Variants in PAPPA observed in about 807,000 individuals in gnomAD.
PAPPA encodes pappalysin-1.
Under a neutral mutation model 164.0 loss-of-function variants are expected in PAPPA, and 60 were observed. That is an observed-to-expected ratio of 0.37 (90% confidence interval 0.30 to 0.45). The LOEUF (loss-of-function observed/expected upper bound fraction) is 0.45. Ranked by LOEUF, PAPPA falls within the 20% of genes least tolerant of loss-of-function variation. The pLI, the probability that PAPPA is intolerant of heterozygous loss-of-function variation, is 1.00. For synonymous variants in PAPPA, 875 were observed against 814.1 expected (o/e 1.07, Z -1.27); for missense variants, 1,782 against 2,087.3 (o/e 0.85, Z 2.85).
At chr9:116,394,689 G>A (rs73518566) in intron 21 of PAPPA, among the ~76,000 whole-genome samples, 2,097 of 152,308 alleles carry the variant, frequency 0.014, 49 homozygotes, top group African/African-American at 0.048. Flanking sequence ...AAGTCACAGA[G>A]GATGGAAAGT....
At position 116,353,806 on chromosome 9, in the gene PAPPA, G is replaced by A; in HGVS notation, c.4347+13G>A. 1 of 1,604,340 alleles carries A rather than the reference G, an allele frequency of 6.2e-7. No individual in the cohort carries two copies. The highest frequency in any genetic ancestry group is 8.5e-7 in the Non-Finnish European group (1 of 1,173,192). On this transcript the variant is annotated intron_variant, in intron 17 of 21. Transcript: ENST00000328252. Reference sequence around the variant, plus strand: ...TGATGCCTCCCAGGTAAGCCTCCTGGAACTTGAGATTGATACCATGGTCCC... The same window carrying A: ...TGATGCCTCCCAGGTAAGCCTCCTGAAACTTGAGATTGATACCATGGTCCC...
chr9:116,275,276 T>C (rs1226961464), intron 9 of PAPPA, among the ~76,000 whole-genome samples: 1 of 152,234 alleles, frequency 6.6e-6, no homozygotes, highest in East Asian at 1.9e-4. Flanking sequence ...ATGTGCTTGA[T>C]GCACAGATGC....
At chr9:116,362,440 G>C in intron 17 of PAPPA, 152 bp from the exon 18 acceptor site, 2 of 694,070 alleles carry the variant, frequency 2.9e-6, no homozygotes, top group Non-Finnish European at 4.6e-6. Context: ...CCTCTTTCAG[G>C]GTGGTTGAGT....
In PAPPA at chr9:116,317,236, G is replaced by C. The variant is rs1044465927; in HGVS notation, c.3148-14008G>C. On this transcript the variant is annotated intron_variant, in intron 10 of 21. Transcript: ENST00000328252. ...GACCTTTCTTGAATAGGCCGATGCG[G>C]TCAAGACTGCCATTAACCACTGTTC... Among the ~76,000 whole-genome samples, 10 of 152,322 alleles carry C rather than the reference G, an allele frequency of 6.6e-5. No individual in the cohort carries two copies. In the East Asian group the frequency reaches 1.9e-3, roughly 29 times the overall value.
intron 2 of PAPPA, among the ~76,000 whole-genome samples, chr9:116,206,579 C>T (rs1205109354): frequency 4.6e-5 from 7 of 152,138 alleles, no homozygotes; most frequent in Non-Finnish European, 7.4e-5. Context: ...AGGTATCAAG[C>T]TTTGTGCGGA....
At chr9:116,198,674 G>A (rs1844135151) in intron 2 of PAPPA, among the ~76,000 whole-genome samples, 1 of 152,222 alleles carries the variant, frequency 6.6e-6, no homozygotes, top group Admixed American at 6.5e-5. Context: ...GATGATTCGT[G>A]TTAACCTAGT....
At chr9:116,317,288 G>T (rs1274771030) in intron 10 of PAPPA, among the ~76,000 whole-genome samples, 1 of 152,164 alleles carries the variant, frequency 6.6e-6, no homozygotes, top group Non-Finnish European at 1.5e-5. Flanking sequence ...GGGTTTCGGT[G>T]ACCAGGCACC....
chr9:116,326,329 C>T (rs1391671472), intron 10 of PAPPA, among the ~76,000 whole-genome samples: 1 of 151,838 alleles, frequency 6.6e-6, no homozygotes, highest in Non-Finnish European at 1.5e-5. Flanking sequence ...ATTGTTGTCC[C>T]AGGACAACAA....
intron 9 of PAPPA, among the ~76,000 whole-genome samples, chr9:116,282,662 C>T (rs761871523): frequency 6.6e-6 from 1 of 152,190 alleles, no homozygotes; most frequent in Non-Finnish European, 1.5e-5. Flanking sequence ...GTCTCTGGCT[C>T]TTAAGCCCTC....
At position 116,188,746 on chromosome 9, in the gene PAPPA, C is replaced by T. The variant is rs142650342; in HGVS notation, c.1478+530C>T. 2.2e-3 allele frequency among the ~76,000 whole-genome samples: 331 copies of T among 152,232 alleles called. 2 individuals are homozygous for T. The highest frequency in any genetic ancestry group is 7.8e-3 in the African/African-American group (324 of 41,510). Reference sequence around the variant, plus strand: ...CACAGAAAGTTCTGGTGGACAGGCTCAAAGAGGTGGGGTCGCATGGGGCTA... The same window carrying T: ...CACAGAAAGTTCTGGTGGACAGGCTTAAAGAGGTGGGGTCGCATGGGGCTA... On this transcript the variant is annotated intron_variant, in intron 2 of 21. Coordinates refer to ENST00000328252, the MANE Select transcript of PAPPA (RefSeq NM_002581.5).
chr9:116,215,608 G>A (rs1284490511), intron 4 of PAPPA, among the ~76,000 whole-genome samples: 1 of 152,142 alleles, frequency 6.6e-6, no homozygotes, highest in Non-Finnish European at 1.5e-5. Flanking sequence ...GAGAGTGGTA[G>A]GAGGGAGAGG....
Position 116,219,979 on chromosome 9 carries a change from G to A in PAPPA, c.1961G>A (p.Arg654Lys), listed in dbSNP as rs432500. The change falls in exon 5 of 22, where the codon AGA becomes AAA. Residue 654 changes from arginine to lysine, a missense_variant. Arg to Lys is a conservative substitution (Grantham distance 26, BLOSUM62 2). Transcript: ENST00000328252. Reference sequence around the variant, plus strand: ...TCCTTCACGCCCAATCAAGTCGCCAGAATGCACTGTTACCTGGACCTGGTC... The same window carrying A: ...TCCTTCACGCCCAATCAAGTCGCCAAAATGCACTGTTACCTGGACCTGGTC... ...TDSFTPNQVA[R>K]MHCYLDLVYQ... 6.2e-7 allele frequency: 1 copy of A among 1,614,032 alleles called. No homozygotes were observed. Among genetic ancestry groups the A allele is most frequent in the Non-Finnish European group, 8.5e-7 (1 of 1,179,984 alleles).
intron 16 of PAPPA, among the ~76,000 whole-genome samples, chr9:116,353,384 A>G (rs1210331224): frequency 6.6e-6 from 1 of 152,202 alleles, no homozygotes; most frequent in Admixed American, 6.5e-5. Context: ...GAAGGGCATG[A>G]GTTTTGTCTC....
chr9:116,309,474 G>A (rs962024671), intron 10 of PAPPA, among the ~76,000 whole-genome samples: 1 of 152,148 alleles, frequency 6.6e-6, no homozygotes, highest in Non-Finnish European at 1.5e-5. Flanking sequence ...CAAGGGACTA[G>A]ATACCCACTA....
chr9:116,401,566 GTATA>G lies in PAPPA; in HGVS notation c.*4955_*4958del, dbSNP rs1235398682. The G allele has an allele frequency of 9.9e-5, 15 of 150,788 alleles. No individual in the cohort carries two copies. The East Asian group carries it at 2.1e-3, about 22-fold the overall frequency. 9.3% of individuals were successfully genotyped at this position (150,788 alleles called of 1,614,324 possible). ...TATAAATTTACATATATATGCACAT[GTATA>G]TATAGTTGTACATATATGTGTGTAT... On this transcript the variant is annotated 3_prime_UTR_variant, in exon 22 of 22. Transcript: ENST00000328252.
At chr9:116,336,293 A>G (rs1305304636) in intron 13 of PAPPA, among the ~76,000 whole-genome samples, 1 of 151,926 alleles carries the variant, frequency 6.6e-6, no homozygotes, top group East Asian at 1.9e-4. Context: ...CTGTTACCAC[A>G]GAGGACACAA....
chr9:116,187,327 G>C lies in PAPPA; in HGVS notation c.589G>C (p.Val197Leu). The C allele has an allele frequency of 6.2e-7, 1 of 1,614,100 alleles. No homozygotes were observed. The highest frequency in any genetic ancestry group is 8.5e-7 in the Non-Finnish European group (1 of 1,180,034). ...AHRSYLPGQW[V>L]YLAATYDGQF... ...CCGCAGCTACCTCCCAGGCCAGTGG[G>C]TATACCTAGCTGCCACCTATGATGG... The change falls in exon 2 of 22, where the codon GTA becomes CTA. Residue 197 changes from valine to leucine, a missense_variant. Physicochemically the swap from Val to Leu is conservative, Grantham distance 32 (BLOSUM62 1). Around this residue, in one of 2 missense-constraint regions of PAPPA, gnomAD observed 458 missense variants for 430.3 expected, o/e 1.06. Transcript: ENST00000328252. The surrounding 1 kb of genome is among the most constrained non-coding windows in gnomAD (Gnocchi z 4.2).
intron 2 of PAPPA, among the ~76,000 whole-genome samples, chr9:116,203,549 C>T (rs1325966784): frequency 2.0e-5 from 3 of 152,118 alleles, no homozygotes; most frequent in East Asian, 1.9e-4. Flanking sequence ...AAGGAGGACT[C>T]ATTTTCAGAT....
In PAPPA at chr9:116,153,918, A is replaced by G. The variant is rs1001951698; in HGVS notation, c.-255A>G. ...AAGGCAACCAGCTGTTAGGGGAAAAATAAGGCAGATAAAGGAGCGGGGAGA... is the reference window on the plus strand; with the variant it reads ...AAGGCAACCAGCTGTTAGGGGAAAAGTAAGGCAGATAAAGGAGCGGGGAGA... On this transcript the variant is annotated 5_prime_UTR_variant, in exon 1 of 22. Transcript: ENST00000328252. The G allele has an allele frequency of 5.8e-5, 14 of 242,228 alleles. No individual in the cohort carries two copies. Among genetic ancestry groups the G allele is most frequent in the African/African-American group, 2.5e-4 (11 of 43,744 alleles). 15.0% of individuals were successfully genotyped at this position (242,228 alleles called of 1,614,324 possible). A position where few individuals can be genotyped will look rare whatever the true frequency, so the allele number is the denominator to read the frequency against.
Sources: allele counts gnomAD v4.1 joint callset (sites outside exome capture counted in the v4.1 genomes callset), GRCh38; gene constraint gnomAD v4.1.1; regional missense constraint gnomAD v4.1.1; non-coding constraint Gnocchi (gnomAD v3.1); transcripts MANE v1.5; gene names NCBI Gene and HGNC (gene_info 2026-07-23, HGNC 2026-07-21).